The following NLGN4Y variants were observed in gnomAD, a reference collection of about 807,000 sequenced individuals.
NLGN4Y encodes the protein neuroligin-4, Y-linked.
A neutral mutation model predicts 8.4 loss-of-function variants in NLGN4Y; 4 were observed. The observed-to-expected ratio is 0.48, with a 90% CI of 0.23 to 1.09. The LOEUF (loss-of-function observed/expected upper bound fraction) is 1.09, where lower values mean the gene tolerates loss of function less well. NLGN4Y is among the 50% of genes least tolerant of loss of function. The pLI is 0.19. For synonymous variants in NLGN4Y, 35 were observed against 75.6 expected, an observed-to-expected ratio of 0.46 and a Z score of 2.78; for missense variants, 90 against 192.3, an observed-to-expected ratio of 0.47 and a Z score of 3.15.
chrY:14,686,259 A>G (rs2080790740), intron 2 of NLGN4Y, among the ~76,000 whole-genome samples: 1 of 32,818 alleles, frequency 3.0e-5, no homozygotes, highest in Non-Finnish European at 7.5e-5. Context: ...ACTGAATATT[A>G]AAGAGCAAAG....
At chrY:14,594,314 G>A (rs922200908) in intron 1 of NLGN4Y, among the ~76,000 whole-genome samples, 1 of 33,272 alleles carries the variant, frequency 3.0e-5, no homozygotes, top group Non-Finnish European at 7.4e-5. Context: ...TGATTGCCTC[G>A]GCATAGTGGA....
At chrY:14,796,145 A>G (rs2043007187) in intron 4 of NLGN4Y, among the ~76,000 whole-genome samples, 4 of 33,468 alleles carry the variant, frequency 1.2e-4, no homozygotes, top group Admixed American at 1.1e-3. Flanking sequence ...ACATCGTTAG[A>G]TTATTACAGA....
intron 4 of NLGN4Y, chrY:14,733,409 A>G: frequency 4.4e-6 from 1 of 224,945 alleles, no homozygotes; most frequent in Non-Finnish European, 7.2e-6. Context: ...ACAAAGAAAC[A>G]TGAAATTCAT....
chrY:14,670,734 T>C, intron 2 of NLGN4Y, among the ~76,000 whole-genome samples: 1 of 33,523 alleles, frequency 3.0e-5, no homozygotes, highest in Non-Finnish European at 7.4e-5. Context: ...TAAAACTATC[T>C]TTCCCTTGAA....
intron 4 of NLGN4Y, among the ~76,000 whole-genome samples, chrY:14,754,316 G>A: frequency 6.0e-5 from 2 of 33,143 alleles, no homozygotes; most frequent in African/African-American, 2.4e-4. Flanking sequence ...AGAGGTTGCT[G>A]TGAGCCAAGA....
At chrY:14,765,540 G>A in intron 4 of NLGN4Y, among the ~76,000 whole-genome samples, 1 of 33,432 alleles carries the variant, frequency 3.0e-5, no homozygotes, top group Non-Finnish European at 7.4e-5. Flanking sequence ...AAAGGGAAAT[G>A]AGACTGAATG....
intron 1 of NLGN4Y, among the ~76,000 whole-genome samples, chrY:14,575,228 A>G: frequency 6.0e-5 from 2 of 33,374 alleles, no homozygotes; most frequent in African/African-American, 2.3e-4. Context: ...AAGTACATCA[A>G]TCAGATGTAG....
chrY:14,604,431 C>A (rs1603501108), intron 1 of NLGN4Y, among the ~76,000 whole-genome samples: 7 of 33,706 alleles, frequency 2.1e-4, no homozygotes, highest in Non-Finnish European at 5.2e-4. Context: ...TAGGATCTTG[C>A]TGTCCGCATA....
chrY:14,599,757 T>C, intron 1 of NLGN4Y, among the ~76,000 whole-genome samples: 1 of 33,104 alleles, frequency 3.0e-5, no homozygotes, highest in South Asian at 6.9e-4. Context: ...CCTGTTATAG[T>C]GCATTTGAGC....
At chrY:14,765,210 A>G (rs111558513) in intron 4 of NLGN4Y, among the ~76,000 whole-genome samples, 291 of 33,881 alleles carry the variant, frequency 8.6e-3, no homozygotes, top group African/African-American at 0.031. Context: ...TCTGCCAATT[A>G]ATGCATACAG....
chrY:14,800,035 C>T (rs2043024938), intron 4 of NLGN4Y, among the ~76,000 whole-genome samples: 1 of 33,271 alleles, frequency 3.0e-5, no homozygotes, highest in Non-Finnish European at 7.4e-5. Flanking sequence ...GACTTCCAGC[C>T]CATCACTATG....
At chrY:14,674,150 C>A (rs1603502569) in intron 2 of NLGN4Y, among the ~76,000 whole-genome samples, 1 of 28,037 alleles carries the variant, frequency 3.6e-5, no homozygotes, top group African/African-American at 1.4e-4. Flanking sequence ...CTAACCTGCA[C>A]AATGTGCACA....
chrY:14,570,642 C>T (rs912172871), intron 1 of NLGN4Y, among the ~76,000 whole-genome samples: 2 of 32,014 alleles, frequency 6.2e-5, no homozygotes, highest in African/African-American at 1.2e-4. Context: ...ATGTGCACAA[C>T]GTGCAGGTTT....
chrY:14,593,951 G>T, intron 1 of NLGN4Y, among the ~76,000 whole-genome samples: 5 of 33,456 alleles, frequency 1.5e-4, no homozygotes, highest in African/African-American at 5.9e-4. Context: ...CCTAATAAGG[G>T]TGTGGGACTT....
rs966818907 is a variant in NLGN4Y, at chrY:14,691,171, G to A, written c.473-28288G>A. ...CAAACAAAATCAAATCACATTTAGC[G>A]CCTTTCTGGAACTTCCCCAAGTACT... On this transcript the variant is annotated intron_variant, in intron 2 of 6. Transcript: ENST00000684976. Among the ~76,000 whole-genome samples, 8 of 32,966 alleles carry A rather than the reference G, an allele frequency of 2.4e-4. No homozygotes were observed. The East Asian group carries it at 4.9e-3, about 20-fold the overall frequency. The allele number at this position is 32,966 out of a possible 37,273, so 88.4% of individuals were successfully genotyped here.
chrY:14,742,446 C>G, intron 4 of NLGN4Y, among the ~76,000 whole-genome samples: 1 of 32,679 alleles, frequency 3.1e-5, no homozygotes, highest in Admixed American at 2.9e-4. Context: ...AAAAGAATTA[C>G]TACACAAACA....
Position 14,829,816 on chromosome Y carries a change from T to C in NLGN4Y, c.958T>C (p.Leu320=). 1 of 396,846 alleles carries C rather than the reference T, an allele frequency of 2.5e-6. No homozygotes were observed. The highest frequency in any genetic ancestry group is 9.3e-5 in the East Asian group (1 of 10,746). ...CCAGCCGGCCAAGTACACTCGGATA[T>C]TGGCAGACAAGGTCGGCTGCAACAT... ...NYQPAKYTRI[L]ADKVGCNMLD... The change falls in exon 6 of 7, where the codon TTG becomes CTG. Residue 320 remains leucine (L), a synonymous_variant. Transcript: ENST00000684976.
chrY:14,815,438 G>A, intron 4 of NLGN4Y, among the ~76,000 whole-genome samples: 1 of 33,114 alleles, frequency 3.0e-5, no homozygotes, highest in East Asian at 8.2e-4. Context: ...GCAGGTAGGA[G>A]GTGATAATTT....
intron 4 of NLGN4Y, among the ~76,000 whole-genome samples, chrY:14,783,860 C>G: frequency 2.9e-5 from 1 of 34,030 alleles, no homozygotes; most frequent in Non-Finnish European, 7.3e-5. Flanking sequence ...ATTTCTTGGC[C>G]TAAGCCACAG....
Sources: allele counts gnomAD v4.1 joint callset (sites outside exome capture counted in the v4.1 genomes callset), GRCh38; gene constraint gnomAD v4.1.1; transcripts MANE v1.5; gene names NCBI Gene and HGNC (gene_info 2026-07-23, HGNC 2026-07-21).